UNC5D: variants seen among roughly 807,000 people sequenced by gnomAD.
UNC5D encodes unc-5 netrin receptor D, also known as netrin receptor UNC5D.
Under a neutral mutation model 105.4 loss-of-function variants are expected in UNC5D, and 39 were observed. The observed-to-expected ratio is 0.37, with a 90% CI of 0.29 to 0.48. UNC5D has a LOEUF of 0.48. Among genes scored for constraint, UNC5D ranks in the 20% least tolerant of loss-of-function variants. The pLI, the probability that UNC5D is intolerant of heterozygous loss-of-function variation, is 0.98. For missense variants in UNC5D, 991 were observed against 1,202.4 expected, an observed-to-expected ratio of 0.82 and a Z score of 2.60; for synonymous variants, 452 against 450.4, an observed-to-expected ratio of 1.00 and a Z score of -0.04.
At chr8:35,604,035 CCAT>C (rs1211013984) in intron 4 of UNC5D, among the ~76,000 whole-genome samples, 6 of 152,144 alleles carry the variant, frequency 3.9e-5, no homozygotes, top group African/African-American at 4.8e-5. Context: ...AGCATTTAAC[CCAT>C]TTACATTTAA....
intron 4 of UNC5D, among the ~76,000 whole-genome samples, chr8:35,675,079 A>G (rs1050097901): frequency 1.8e-4 from 27 of 152,296 alleles, no homozygotes; most frequent in African/African-American, 6.3e-4. Flanking sequence ...AATATAATTC[A>G]CAAATCTTAA....
At chr8:35,644,720 A>G (rs1235944260) in intron 4 of UNC5D, among the ~76,000 whole-genome samples, 1 of 152,190 alleles carries the variant, frequency 6.6e-6, no homozygotes, top group African/African-American at 2.4e-5. Flanking sequence ...TTAAAAATGT[A>G]TAACATTTTC....
At chr8:35,264,441 T>C (rs1804699868) in intron 1 of UNC5D, among the ~76,000 whole-genome samples, 1 of 152,138 alleles carries the variant, frequency 6.6e-6, no homozygotes, top group African/African-American at 2.4e-5. Context: ...ATCTAGAAAA[T>C]ATTTGACCGG....
intron 3 of UNC5D, among the ~76,000 whole-genome samples, chr8:35,575,147 C>G (rs956023980): frequency 1.3e-5 from 2 of 152,116 alleles, no homozygotes; most frequent in Non-Finnish European, 2.9e-5. Context: ...TAAAATACCC[C>G]GAATGATAGT....
intron 4 of UNC5D, among the ~76,000 whole-genome samples, chr8:35,627,422 T>C (rs1586284279): frequency 6.6e-6 from 1 of 152,344 alleles, no homozygotes; most frequent in East Asian, 1.9e-4. Context: ...TTGTATTAAT[T>C]TGTCACCATT....
At chr8:35,780,428 C>A (rs1453960728) in intron 16 of UNC5D, among the ~76,000 whole-genome samples, 2 of 152,170 alleles carry the variant, frequency 1.3e-5, no homozygotes, top group African/African-American at 2.4e-5. Context: ...TAATTGGATG[C>A]AAAGGAACAG....
chr8:35,517,986 G>C (rs1047313273), intron 1 of UNC5D, among the ~76,000 whole-genome samples: 3 of 152,020 alleles, frequency 2.0e-5, no homozygotes, highest in Non-Finnish European at 4.4e-5. Context: ...CTTCCCGGAG[G>C]CCCCCATCCC....
chr8:35,685,256 A>G (rs1825928568), intron 6 of UNC5D, among the ~76,000 whole-genome samples: 1 of 152,202 alleles, frequency 6.6e-6, no homozygotes, highest in African/African-American at 2.4e-5. Flanking sequence ...ACAGCAGTCT[A>G]TATTTTACAT....
At chr8:35,356,274 C>T (rs1329873957) in intron 1 of UNC5D, among the ~76,000 whole-genome samples, 2 of 152,164 alleles carry the variant, frequency 1.3e-5, no homozygotes, top group Non-Finnish European at 2.9e-5. Context: ...ATAAAATTCT[C>T]TTTAAACACT....
intron 8 of UNC5D, among the ~76,000 whole-genome samples, chr8:35,719,590 G>C (rs1468653654): frequency 3.3e-5 from 5 of 152,104 alleles, no homozygotes; most frequent in Non-Finnish European, 7.4e-5. Context: ...TCACTACCTT[G>C]TCCTTACCAC....
chr8:35,724,070 A>G, intron 9 of UNC5D: 1 of 1,311,924 alleles, frequency 7.6e-7, no homozygotes, highest in Non-Finnish European at 9.8e-7. Context: ...CTAGTACAGG[A>G]TGCCAGCGTG....
intron 1 of UNC5D, among the ~76,000 whole-genome samples, chr8:35,434,106 A>C (rs765252798): frequency 6.6e-6 from 1 of 152,070 alleles, no homozygotes; most frequent in African/African-American, 2.4e-5. Flanking sequence ...AAGCACTAAA[A>C]TCTATTGATT....
At chr8:35,432,363 G>A (rs1421955237) in intron 1 of UNC5D, among the ~76,000 whole-genome samples, 1 of 152,076 alleles carries the variant, frequency 6.6e-6, no homozygotes, top group African/African-American at 2.4e-5. Flanking sequence ...TTATAAATCA[G>A]AAAATTATGG....
chr8:35,339,834 C>T (rs1000997525), intron 1 of UNC5D, among the ~76,000 whole-genome samples: 1 of 152,088 alleles, frequency 6.6e-6, no homozygotes. Context: ...TAATTTTAGG[C>T]TCTTTTTATG....
At chr8:35,271,341 G>A (rs1359267162) in intron 1 of UNC5D, among the ~76,000 whole-genome samples, 1 of 127,694 alleles carries the variant, frequency 7.8e-6, no homozygotes, top group African/African-American at 3.2e-5. Flanking sequence ...ACGTGCATGT[G>A]TGTATGTATA....
In UNC5D at chr8:35,681,471, A is replaced by C. The variant is rs145618866; in HGVS notation, c.571-2076A>C. On this transcript the variant is annotated intron_variant, in intron 4 of 16. Coordinates refer to ENST00000404895, the MANE Select transcript of UNC5D (RefSeq NM_080872.4). ...CAGATGTTTAGGTATTTGTCAAATG[A>C]ACAAATGGATGGCTCTGAAATATGC... Among the ~76,000 whole-genome samples, 3 of 152,356 alleles carry C rather than the reference A, an allele frequency of 2.0e-5. No homozygotes were observed. The East Asian group carries it at 5.8e-4, about 29-fold the overall frequency.
rs751714986 is a variant in UNC5D, at chr8:35,683,641, G to A, written c.665G>A (p.Arg222Gln). 17 of 1,581,580 alleles carry A rather than the reference G, an allele frequency of 1.1e-5. No homozygotes were observed. The highest frequency in any genetic ancestry group is 7.0e-5 in the East Asian group (3 of 42,880). Residue 222 changes from arginine to glutamine, a missense_variant, in exon 5 of 17, where the codon CGG (arginine) becomes CAG (glutamine). Transcript: ENST00000404895. ...ADHNLIIRQA[R>Q]LSDSGNYTCM... Reference sequence around the variant, plus strand: ...CATAACCTGATCATCAGGCAGGCACGGCTCTCGGACTCAGGAAATTACACC... The same window carrying A: ...CATAACCTGATCATCAGGCAGGCACAGCTCTCGGACTCAGGAAATTACACC...
intron 8 of UNC5D, among the ~76,000 whole-genome samples, chr8:35,718,804 G>A (rs1828403880): frequency 3.9e-5 from 6 of 152,096 alleles, no homozygotes; most frequent in Admixed American, 3.9e-4. Context: ...GAGGGCTAGG[G>A]TCTAGATGCC....
intron 11 of UNC5D, among the ~76,000 whole-genome samples, chr8:35,738,023 T>A (rs1431403520): frequency 6.6e-6 from 1 of 152,118 alleles, no homozygotes; most frequent in Non-Finnish European, 1.5e-5. Context: ...GGAGAATCGC[T>A]TGAACCCAGG....
Sources: allele counts gnomAD v4.1 joint callset (sites outside exome capture counted in the v4.1 genomes callset), GRCh38; gene constraint gnomAD v4.1.1; transcripts MANE v1.5; gene names NCBI Gene and HGNC (gene_info 2026-07-23, HGNC 2026-07-21).